PTPRD: variants seen among roughly 807,000 people sequenced by gnomAD.
PTPRD encodes protein tyrosine phosphatase receptor type D, also known as receptor-type tyrosine-protein phosphatase delta.
PTPRD carries 34 observed loss-of-function variants against 214.5 expected under a neutral mutation model. The ratio of observed to expected loss-of-function variants is 0.16; its 90% CI spans 0.12 to 0.21. The LOEUF is 0.21. Among genes scored for constraint, PTPRD ranks in the 10% least tolerant of loss-of-function variants. The probability of loss-of-function intolerance (pLI) is 1.00; values close to 1 mark genes in which losing one functional copy is unlikely to be tolerated. For synonymous variants in PTPRD, 1,128 were observed against 845.7 expected, an observed-to-expected ratio of 1.33 and a Z score of -5.79; for missense variants, 2,545 against 2,398.7, an observed-to-expected ratio of 1.06 and a Z score of -1.27.
At chr9:8,542,894 T>C (rs369335938) in intron 14 of PTPRD, among the ~76,000 whole-genome samples, 5 of 152,214 alleles carry the variant, frequency 3.3e-5, no homozygotes, top group African/African-American at 1.2e-4. Context: ...TTGCATCAGT[T>C]TTCTCCACTA....
At chr9:10,158,229 GA>G (rs1397921302) in intron 3 of PTPRD, among the ~76,000 whole-genome samples, 2 of 152,016 alleles carry the variant, frequency 1.3e-5, no homozygotes, top group African/African-American at 4.8e-5. Flanking sequence ...GGCTGTTCTC[GA>G]ACTCCTGACC....
chr9:9,988,783 T>C (rs1221648908), intron 4 of PTPRD, among the ~76,000 whole-genome samples: 3 of 151,998 alleles, frequency 2.0e-5, no homozygotes, highest in Admixed American at 6.5e-5. Flanking sequence ...TACATTTATT[T>C]TCTTTGTTCT....
At chr9:9,609,886 G>C (rs2094425613) in intron 7 of PTPRD, among the ~76,000 whole-genome samples, 1 of 152,172 alleles carries the variant, frequency 6.6e-6, no homozygotes, top group African/African-American at 2.4e-5. Context: ...TTAAAAAGTA[G>C]ATAACTAATT....
chr9:9,084,581 T>C (rs2099764305), intron 10 of PTPRD, among the ~76,000 whole-genome samples: 1 of 151,948 alleles, frequency 6.6e-6, no homozygotes, highest in Admixed American at 6.6e-5. Context: ...CTGACACACA[T>C]TTCTGGGAGC....
chr9:8,722,009 G>C (rs1228077109), intron 12 of PTPRD, among the ~76,000 whole-genome samples: 1 of 152,180 alleles, frequency 6.6e-6, no homozygotes, highest in East Asian at 1.9e-4. Flanking sequence ...AGACCACTGG[G>C]TTGTCACAAC....
chr9:9,747,941 G>C (rs191532914), intron 6 of PTPRD, among the ~76,000 whole-genome samples: 1 of 152,284 alleles, frequency 6.6e-6, no homozygotes, highest in East Asian at 1.9e-4. Context: ...GTATAAACAG[G>C]TGGATTTCCT....
intron 8 of PTPRD, among the ~76,000 whole-genome samples, chr9:9,548,518 C>T (rs1037240393): frequency 6.6e-6 from 1 of 150,782 alleles, no homozygotes; most frequent in Non-Finnish European, 1.5e-5. Flanking sequence ...AGTGATTCTC[C>T]TGCTTCAGCC....
intron 10 of PTPRD, among the ~76,000 whole-genome samples, chr9:9,062,222 T>C (rs1477704418): frequency 6.6e-6 from 1 of 152,132 alleles, no homozygotes; most frequent in Non-Finnish European, 1.5e-5. Context: ...CAAGTAGAAT[T>C]ACATGTCAAA....
chr9:10,334,624 T>A (rs1483112741), intron 3 of PTPRD, among the ~76,000 whole-genome samples: 2 of 151,458 alleles, frequency 1.3e-5, no homozygotes, highest in African/African-American at 4.8e-5. Flanking sequence ...TAAAACCGTC[T>A]TTGCTTGCGG....
intron 3 of PTPRD, among the ~76,000 whole-genome samples, chr9:10,166,313 C>G (rs957391923): frequency 6.7e-6 from 1 of 148,924 alleles, no homozygotes; most frequent in Non-Finnish European, 1.5e-5. Flanking sequence ...ATCTGTCTAA[C>G]ATCCTATCAG....
intron 3 of PTPRD, among the ~76,000 whole-genome samples, chr9:10,188,214 G>A (rs117482550): frequency 0.031 from 4,743 of 152,140 alleles, 100 homozygotes; most frequent in Middle Eastern, 0.058. Context: ...TTATGGATAT[G>A]CATTCAGTAA....
At chr9:8,991,527 T>G (rs567854375) in intron 11 of PTPRD, among the ~76,000 whole-genome samples, 3 of 152,278 alleles carry the variant, frequency 2.0e-5, no homozygotes, top group Admixed American at 2.0e-4. Flanking sequence ...CAGTCCTGTA[T>G]GAAGGACTTG....
chr9:9,246,793 A>T (rs973874999), intron 9 of PTPRD, among the ~76,000 whole-genome samples: 2 of 152,140 alleles, frequency 1.3e-5, no homozygotes, highest in East Asian at 1.9e-4. Flanking sequence ...CCAGCAACCC[A>T]ATTTCTGGAC....
intron 22 of PTPRD, among the ~76,000 whole-genome samples, chr9:8,505,600 C>T (rs143611456): frequency 1.2e-4 from 15 of 121,486 alleles, no homozygotes; most frequent in Non-Finnish European, 1.4e-4. Context: ...CCAGTCTAGG[C>T]GACAGAGTGA....
chr9:8,608,087 A>C (rs1473863351), intron 14 of PTPRD, among the ~76,000 whole-genome samples: 1 of 151,766 alleles, frequency 6.6e-6, no homozygotes. Flanking sequence ...TCAATTCCGC[A>C]TATAGCTGAG....
chr9:9,142,653 A>C (rs2099862377), intron 10 of PTPRD, among the ~76,000 whole-genome samples: 2 of 152,238 alleles, frequency 1.3e-5, no homozygotes, highest in African/African-American at 4.8e-5. Flanking sequence ...CTTGATATAA[A>C]AAGGAACTGC....
chr9:10,497,453 T>C (rs1173065673), intron 2 of PTPRD, among the ~76,000 whole-genome samples: 1 of 152,088 alleles, frequency 6.6e-6, no homozygotes, highest in African/African-American at 2.4e-5. Context: ...ACACAGTTCA[T>C]GCTCAAGAAA....
rs578043282 is a variant in PTPRD, at chr9:9,578,916, A to G, written c.-286-4135T>C. On this transcript the variant is annotated intron_variant, in intron 7 of 45. Coordinates refer to ENST00000381196, the MANE Select transcript of PTPRD (RefSeq NM_002839.4). ...ATTTACCAAACATATAATGTATGTAAGATCCTGGTCTCAGTATTTTTATGT... is the reference window on the plus strand; with the variant it reads ...ATTTACCAAACATATAATGTATGTAGGATCCTGGTCTCAGTATTTTTATGT... Among the ~76,000 whole-genome samples the G allele has an allele frequency of 1.2e-4, 18 of 152,268 alleles. No individual in the cohort carries two copies. The East Asian group carries it at 1.7e-3, about 15-fold the overall frequency.
At chr9:9,349,058 G>T (rs1014253249) in intron 9 of PTPRD, among the ~76,000 whole-genome samples, 1 of 152,044 alleles carries the variant, frequency 6.6e-6, no homozygotes, top group Non-Finnish European at 1.5e-5. Context: ...TGGCGGGCGG[G>T]TATCATAGTG....
Sources: allele counts gnomAD v4.1 joint callset (sites outside exome capture counted in the v4.1 genomes callset), GRCh38; gene constraint gnomAD v4.1.1; transcripts MANE v1.5; gene names NCBI Gene and HGNC (gene_info 2026-07-23, HGNC 2026-07-21).